Variants in RIMS1 observed in about 807,000 individuals in gnomAD.
RIMS1 encodes the protein regulating synaptic membrane exocytosis 1.
In RIMS1, 83 loss-of-function variants were observed where a neutral mutation model predicts 214.1. That is an observed-to-expected ratio of 0.39 (90% CI 0.32 to 0.47). The LOEUF (loss-of-function observed/expected upper bound fraction) is 0.47, where lower values mean the gene tolerates loss of function less well. RIMS1 is among the 20% of genes least tolerant of loss of function. The pLI, the probability that RIMS1 is intolerant of heterozygous loss-of-function variation, is 0.99. For synonymous variants in RIMS1, 793 were observed against 786.8 expected (o/e 1.01, Z -0.13); for missense variants, 2,050 against 2,161.8 (o/e 0.95, Z 1.03).
intron 1 of RIMS1, among the ~76,000 whole-genome samples, chr6:71,966,499 AGG>A (rs1794474530): frequency 6.6e-6 from 1 of 151,432 alleles, no homozygotes; most frequent in African/African-American, 2.4e-5. Context: ...TTACAAAGAT[AGG>A]GCCCTTTTTA....
chr6:72,327,986 A>G lies in RIMS1; in HGVS notation c.4131-5614A>G, dbSNP rs536991131. ...TCTATTAAATGTAAAATACCATTCT[A>G]CTATAAAGACACATGCACAAGTATG... is the stretch of plus-strand genomic sequence containing the variant. On this transcript the variant is annotated intron_variant, in intron 28 of 33. Transcript: ENST00000521978. Among the ~76,000 whole-genome samples, 7 of 151,938 alleles carry G rather than the reference A, an allele frequency of 4.6e-5. No homozygotes were observed. In the East Asian group the frequency reaches 1.2e-3, roughly 25 times the overall value.
intron 2 of RIMS1, among the ~76,000 whole-genome samples, chr6:72,057,878 C>T (rs1370323104): frequency 6.6e-6 from 1 of 152,162 alleles, no homozygotes; most frequent in Non-Finnish European, 1.5e-5. Flanking sequence ...GAAGGTAACC[C>T]TAGTAAAAGT....
Position 71,886,628 on chromosome 6 carries a change from A to AGCCCCGCCCCCGCCCCGC in RIMS1, c.-387_-370dup, listed in dbSNP as rs1767853606. 7.8e-6 allele frequency: 1 copy of AGCCCCGCCCCCGCCCCGC among 127,902 alleles called. No homozygotes were observed. The highest frequency in any genetic ancestry group is 7.6e-5 in the Admixed American group (1 of 13,096). The allele number at this position is 127,902 out of a possible 1,614,324, so 7.9% of individuals were successfully genotyped here. On this transcript the variant is annotated 5_prime_UTR_variant, in exon 1 of 34. Transcript: ENST00000521978. ...CAGTCCCAGCCCCAGCCCCAGCCCC[A>AGCCCCGCCCCCGCCCCGC]GCCCCGCCCCCGCCCCGCGCCCCGC...
intron 2 of RIMS1, among the ~76,000 whole-genome samples, chr6:72,064,331 AAGAGAG>A (rs56373385): frequency 5.8e-5 from 8 of 137,092 alleles, no homozygotes; most frequent in Non-Finnish European, 8.2e-5. Flanking sequence ...GAAAGAAAGA[AAGAGAG>A]AGAGAGAGAG....
At chr6:72,131,041 A>G (rs1015296539) in intron 4 of RIMS1, among the ~76,000 whole-genome samples, 11 of 152,194 alleles carry the variant, frequency 7.2e-5, no homozygotes, top group African/African-American at 2.7e-4. Context: ...CCAGGCATTG[A>G]TTAATTTCCT....
At chr6:71,923,822 C>T (rs932068721) in intron 1 of RIMS1, among the ~76,000 whole-genome samples, 1 of 152,136 alleles carries the variant, frequency 6.6e-6, no homozygotes, top group Non-Finnish European at 1.5e-5. Context: ...CCTCAGCCTC[C>T]CAAAGTGCTG....
At chr6:72,232,067 T>A (rs939960583) in intron 6 of RIMS1, among the ~76,000 whole-genome samples, 1 of 151,668 alleles carries the variant, frequency 6.6e-6, no homozygotes, top group African/African-American at 2.4e-5. Flanking sequence ...GTCATTTTTT[T>A]AAACTTCAAA....
intron 2 of RIMS1, among the ~76,000 whole-genome samples, chr6:72,038,733 G>A (rs6913641): frequency 0.022 from 3,334 of 152,204 alleles, 97 homozygotes; most frequent in African/African-American, 0.075. Flanking sequence ...GAGTGTTCAG[G>A]CTGCAAGTAC....
chr6:72,230,233 A>G (rs2061524207), intron 6 of RIMS1, among the ~76,000 whole-genome samples: 1 of 151,766 alleles, frequency 6.6e-6, no homozygotes, highest in Admixed American at 6.6e-5. Context: ...TGTTGCTGTG[A>G]GCCAATCTTA....
chr6:72,143,576 G>A (rs1339239531), intron 4 of RIMS1, among the ~76,000 whole-genome samples: 1 of 152,196 alleles, frequency 6.6e-6, no homozygotes, highest in Admixed American at 6.5e-5. Flanking sequence ...CACAGCTTCT[G>A]TGATTATGGG....
intron 2 of RIMS1, among the ~76,000 whole-genome samples, chr6:72,016,167 G>T (rs1398946027): frequency 2.0e-5 from 3 of 152,090 alleles, no homozygotes; most frequent in Admixed American, 1.3e-4. Flanking sequence ...TGGTCATGGT[G>T]TACATAATCT....
intron 1 of RIMS1, among the ~76,000 whole-genome samples, chr6:71,966,782 C>G (rs1206842068): frequency 6.6e-6 from 1 of 152,124 alleles, no homozygotes; most frequent in Non-Finnish European, 1.5e-5. Context: ...CTCAGCCTTC[C>G]GAAGTGCTGG....
chr6:72,005,430 T>C (rs969947329), intron 2 of RIMS1, among the ~76,000 whole-genome samples: 1 of 152,086 alleles, frequency 6.6e-6, no homozygotes, highest in Non-Finnish European at 1.5e-5. Flanking sequence ...AGCTTCAAAG[T>C]GATTTTTCTT....
At chr6:71,945,188 G>A (rs1461854105) in intron 1 of RIMS1, among the ~76,000 whole-genome samples, 1 of 152,160 alleles carries the variant, frequency 6.6e-6, no homozygotes, top group Non-Finnish European at 1.5e-5. Flanking sequence ...GTAATTCAGA[G>A]CCAGTAACAG....
chr6:72,271,753 C>A (rs1159743072), intron 22 of RIMS1, among the ~76,000 whole-genome samples: 12 of 152,086 alleles, frequency 7.9e-5, no homozygotes, highest in Non-Finnish European at 8.8e-5. Context: ...GGTTAAGGTT[C>A]TCATTATTCT....
At chr6:72,219,895 C>T (rs1033753380) in intron 6 of RIMS1, among the ~76,000 whole-genome samples, 1 of 151,480 alleles carries the variant, frequency 6.6e-6, no homozygotes, top group African/African-American at 2.4e-5. Flanking sequence ...TCTATATTTT[C>T]CTATTTAGCA....
intron 4 of RIMS1, among the ~76,000 whole-genome samples, chr6:72,100,664 T>A (rs1327733406): frequency 1.9e-5 from 1 of 53,086 alleles, no homozygotes; most frequent in Non-Finnish European, 5.9e-5. Context: ...ATTTTATACA[T>A]ACTATACACC....
chr6:71,907,972 T>G (rs751798999), intron 1 of RIMS1, among the ~76,000 whole-genome samples: 7 of 152,196 alleles, frequency 4.6e-5, no homozygotes, highest in African/African-American at 7.2e-5. Flanking sequence ...CCTTCAAATT[T>G]GAAAGTAAGA....
At chr6:72,395,324 A>G (rs1460875449) in intron 31 of RIMS1, among the ~76,000 whole-genome samples, 2 of 150,400 alleles carry the variant, frequency 1.3e-5, no homozygotes, top group Non-Finnish European at 3.0e-5. Flanking sequence ...AATCTGTACA[A>G]AACAAACAAA....
Sources: gnomAD v4.1 joint callset for allele counts (sites outside exome capture counted in the v4.1 genomes callset) on GRCh38, gnomAD v4.1.1 for gene constraint, MANE v1.5 for transcripts, NCBI Gene and HGNC (gene_info 2026-07-23, HGNC 2026-07-21) for gene names.